The following ZMYM4 variants were observed in gnomAD, a reference collection of about 807,000 sequenced individuals.
ZMYM4 encodes zinc finger MYM-type protein 4.
In ZMYM4, 31 loss-of-function variants were observed where a neutral mutation model predicts 183.2. The observed-to-expected ratio is 0.17, with a 90% CI of 0.13 to 0.23. ZMYM4 has a LOEUF of 0.23. ZMYM4 is among the 10% of genes least tolerant of loss of function. The pLI, the probability that ZMYM4 is intolerant of heterozygous loss-of-function variation, is 1.00. For missense variants in ZMYM4, 1,273 were observed against 1,840.3 expected (o/e 0.69, Z 5.64); for synonymous variants, 592 against 631.2 (o/e 0.94, Z 0.93).
chr1:35,374,740 A>G (rs1365865646), intron 7 of ZMYM4, among the ~76,000 whole-genome samples: 3 of 151,590 alleles, frequency 2.0e-5, no homozygotes, highest in African/African-American at 7.3e-5. Flanking sequence ...CAAAATGGCT[A>G]TGGAAAACAC....
intron 2 of ZMYM4, among the ~76,000 whole-genome samples, chr1:35,354,727 TAAAAAAAAAAAAAAA>T (rs57493035): frequency 3.6e-5 from 3 of 84,036 alleles, no homozygotes; most frequent in Non-Finnish European, 6.6e-5. Context: ...ACTTTGTCTT[TAAAAAAAAAAAAAAA>T]AAAAAAAAAA....
At chr1:35,273,108 C>T (rs141029717) in intron 1 of ZMYM4, among the ~76,000 whole-genome samples, 1 of 152,248 alleles carries the variant, frequency 6.6e-6, no homozygotes, top group East Asian at 1.9e-4. Context: ...AGTCGGAACA[C>T]TTGTATTCAG....
rs144938688 is a variant in ZMYM4, at chr1:35,337,756, T to G, written c.85+12351T>G. ...GGTCAGGAGACCAGCCTGGCTAACA[T>G]GGCGAAACCCCATCTCTACTAAAAA... On this transcript the variant is annotated intron_variant, in intron 2 of 29. Coordinates refer to ENST00000314607, the MANE Select transcript of ZMYM4 (RefSeq NM_005095.3). Among the ~76,000 whole-genome samples, 859 of 151,986 alleles carry G rather than the reference T, an allele frequency of 5.7e-3. 8 individuals carry two copies. Among genetic ancestry groups the G allele is most frequent in the Middle Eastern group, 0.02 (6 of 294 alleles).
At chr1:35,358,031 G>A (rs77271687) in intron 2 of ZMYM4, among the ~76,000 whole-genome samples, 1 of 152,132 alleles carries the variant, frequency 6.6e-6, no homozygotes, top group East Asian at 1.9e-4. Context: ...ATGCCATTTA[G>A]GAATTGAAAA....
At chr1:35,395,673 C>T (rs2149001492) in intron 18 of ZMYM4, among the ~76,000 whole-genome samples, 1 of 152,294 alleles carries the variant, frequency 6.6e-6, no homozygotes, top group Middle Eastern at 3.4e-3. Flanking sequence ...TCCAGAACAT[C>T]ATCATAACTG....
intron 1 of ZMYM4, among the ~76,000 whole-genome samples, chr1:35,303,999 T>C (rs1488312785): frequency 6.6e-6 from 1 of 152,174 alleles, no homozygotes; most frequent in Non-Finnish European, 1.5e-5. Flanking sequence ...TTTCTCTGAT[T>C]TATTTTTCTA....
At chr1:35,408,280 T>C in intron 26 of ZMYM4, 121 bp downstream of exon 26, 1 of 1,251,192 alleles carries the variant, frequency 8.0e-7, no homozygotes, top group Non-Finnish European at 1.1e-6. Context: ...ATTGGAACAT[T>C]GTTTTTAACA....
At chr1:35,367,024 CAAAA>C (rs1213113614) in intron 5 of ZMYM4, among the ~76,000 whole-genome samples, 1 of 82,880 alleles carries the variant, frequency 1.2e-5, no homozygotes, top group Non-Finnish European at 3.0e-5. Flanking sequence ...AACTCCATCT[CAAAA>C]AAAAAAAAAA....
At chr1:35,320,809 G>C (rs1642250418) in intron 1 of ZMYM4, among the ~76,000 whole-genome samples, 1 of 152,206 alleles carries the variant, frequency 6.6e-6, no homozygotes, top group Non-Finnish European at 1.5e-5. Flanking sequence ...TGTGTTGCGA[G>C]ACTGTTATAG....
chr1:35,275,212 A>C (rs1639809865), intron 1 of ZMYM4, among the ~76,000 whole-genome samples: 1 of 152,062 alleles, frequency 6.6e-6, no homozygotes, highest in African/African-American at 2.4e-5. Context: ...TTATGTTTGT[A>C]CTTTTTTTGA....
At chr1:35,316,550 T>C (rs955528406) in intron 1 of ZMYM4, among the ~76,000 whole-genome samples, 27 of 152,248 alleles carry the variant, frequency 1.8e-4, no homozygotes, top group Admixed American at 1.7e-3. Context: ...GAGTCTGTGT[T>C]GCAGTTTTTC....
chr1:35,416,206 A>C (rs1001981490), intron 28 of ZMYM4, among the ~76,000 whole-genome samples: 2 of 152,204 alleles, frequency 1.3e-5, no homozygotes, highest in African/African-American at 4.8e-5. Context: ...AGCAGTGACA[A>C]TTTTATTAGA....
Position 35,422,020 on chromosome 1 carries a change from A to G in ZMYM4, c.*2343A>G, listed in dbSNP as rs1039941008. 20 of 152,216 alleles carry G rather than the reference A, an allele frequency of 1.3e-4. No individual in the cohort carries two copies. Among genetic ancestry groups the G allele is most frequent in the Non-Finnish European group, 8.8e-5 (6 of 68,034 alleles). 9.4% of individuals were successfully genotyped at this position (152,216 alleles called of 1,614,324 possible). On this transcript the variant is annotated 3_prime_UTR_variant, in exon 30 of 30. Transcript: ENST00000314607. The stretch of plus-strand genomic sequence containing the variant: ...CTGATTGACCTTATTGGTATGACCC[A>G]GCAATTAGTAAAATTACAAAGAAAG...
At chr1:35,351,030 C>G in intron 2 of ZMYM4, 1 of 901,786 alleles carries the variant, frequency 1.1e-6, no homozygotes, top group Non-Finnish European at 1.8e-6. Context: ...TGGCCTGCTG[C>G]TGGCCCGCAG....
intron 1 of ZMYM4, among the ~76,000 whole-genome samples, chr1:35,293,766 G>T (rs761846781): frequency 6.6e-6 from 1 of 152,144 alleles, no homozygotes; most frequent in Non-Finnish European, 1.5e-5. Flanking sequence ...TAGAAGTCAA[G>T]GGTAGTGTCA....
chr1:35,299,797 CTTT>C (rs553866480), intron 1 of ZMYM4, among the ~76,000 whole-genome samples: 1 of 142,948 alleles, frequency 7.0e-6, no homozygotes. Flanking sequence ...TCTTTCTTTT[CTTT>C]TTTTTTTTTT....
intron 1 of ZMYM4, among the ~76,000 whole-genome samples, chr1:35,315,942 A>G (rs1249945847): frequency 6.6e-6 from 1 of 151,976 alleles, no homozygotes; most frequent in Non-Finnish European, 1.5e-5. Flanking sequence ...AAAAAAAATT[A>G]TTATTATTTT....
chr1:35,308,715 G>C (rs895736110), intron 1 of ZMYM4, among the ~76,000 whole-genome samples: 4 of 152,120 alleles, frequency 2.6e-5, no homozygotes, highest in Non-Finnish European at 5.9e-5. Context: ...ACAAAAATTA[G>C]CTGGGCATGG....
rs1327255849 is a variant in ZMYM4, at chr1:35,389,712, G to A, written c.2437-236G>A. Among the ~76,000 whole-genome samples the A allele has an allele frequency of 6.7e-6, 1 of 148,882 alleles. No individual in the cohort carries two copies. The highest frequency in any genetic ancestry group is 6.7e-5 in the Admixed American group (1 of 14,880). ...GGAGCTTGCAGTGAGCTGAGATCAC[G>A]CCACTGCACTCCAGCCTGGGCGATA... is the stretch of plus-strand genomic sequence containing the variant. On this transcript the variant is annotated intron_variant, in intron 14 of 29. Transcript: ENST00000314607. The surrounding 1 kb of genome is among the most constrained non-coding windows in gnomAD (Gnocchi z 4.0).
Sources: allele counts gnomAD v4.1 joint callset (sites outside exome capture counted in the v4.1 genomes callset), GRCh38; gene constraint gnomAD v4.1.1; non-coding constraint Gnocchi (gnomAD v3.1); transcripts MANE v1.5; gene names NCBI Gene and HGNC (gene_info 2026-07-23, HGNC 2026-07-21).